Variants in BMS1 observed in about 807,000 individuals in gnomAD.
BMS1 encodes BMS1 ribosome biogenesis factor.
In BMS1, 53 loss-of-function variants were observed where a neutral mutation model predicts 138.7. The ratio of observed to expected loss-of-function variants is 0.38; its 90% CI spans 0.31 to 0.48. BMS1 has a LOEUF of 0.48. BMS1 is among the 20% of genes least tolerant of loss of function. BMS1 has a pLI of 0.97. For synonymous variants in BMS1, 504 were observed against 539.9 expected (o/e 0.93, Z 0.92); for missense variants, 1,360 against 1,565.5 (o/e 0.87, Z 2.22).
Position 42,825,312 on chromosome 10 carries a change from T to G in BMS1, c.3456+1528T>G, listed in dbSNP as rs183719837. Among the ~76,000 whole-genome samples, 384 of 152,320 alleles carry G rather than the reference T, an allele frequency of 2.5e-3. 4 individuals are homozygous for G. Among genetic ancestry groups the G allele is most frequent in the Non-Finnish European group, 4.6e-3 (313 of 68,042 alleles). The stretch of plus-strand genomic sequence containing the variant: ...ATGAGCCACTGCGCCTGGCCAGGAT[T>G]GTTTTATTCTGTTCTGTGAAGAATG... On this transcript the variant is annotated intron_variant, in intron 21 of 22. Transcript: ENST00000374518.
chr10:42,818,183 CA>C (rs1288480385), intron 15 of BMS1, among the ~76,000 whole-genome samples: 7 of 152,222 alleles, frequency 4.6e-5, no homozygotes, highest in African/African-American at 1.7e-4. Context: ...AACGGAGTTT[CA>C]TCCTAGGTCT....
At position 42,787,033 on chromosome 10, in the gene BMS1, A is replaced by C. The variant is rs891948819; in HGVS notation, c.368-135A>C. The C allele has an allele frequency of 1.0e-5, 7 of 698,712 alleles. No homozygotes were observed. The African/African-American group carries it at 1.2e-4, about 12-fold the overall frequency. The allele number at this position is 698,712 out of a possible 1,614,324, so 43.3% of individuals were successfully genotyped here. ...TATTTTATCAGTTTTTGCCTGTAAA[A>C]ATGAACTTCTTGTATGCTCCTGTAA... On this transcript the variant is annotated intron_variant, in intron 3 of 22. Transcript: ENST00000374518.
intron 6 of BMS1, 37 bp from the exon 7 acceptor site, chr10:42,792,456 G>A (rs201273284): frequency 1.1e-4 from 173 of 1,604,870 alleles, no homozygotes; most frequent in Admixed American, 2.5e-4. Flanking sequence ...GGAACTTTTG[G>A]CATTCATTTC....
chr10:42,806,792 G>C (rs968655744), intron 13 of BMS1, among the ~76,000 whole-genome samples: 1 of 151,222 alleles, frequency 6.6e-6, no homozygotes, highest in African/African-American at 2.4e-5. Context: ...AAAAGTTTGT[G>C]GTGTGTTTTT....
chr10:42,818,860 A>G (rs1172583034), intron 15 of BMS1, among the ~76,000 whole-genome samples: 1 of 152,134 alleles, frequency 6.6e-6, no homozygotes, highest in Non-Finnish European at 1.5e-5. Flanking sequence ...AGTGCCTAGG[A>G]GGGAGAAGCA....
intron 12 of BMS1, 139 bp downstream of exon 12, chr10:42,798,764 G>A: frequency 8.2e-7 from 1 of 1,220,966 alleles, no homozygotes; most frequent in South Asian, 1.5e-5. Flanking sequence ...AGATATTGTA[G>A]TGGGCGCTTC....
rs1191387003 is a variant in BMS1 at position 42,831,160 on chromosome 10, T to G, written c.*64T>G. 7.0e-7 allele frequency: 1 copy of G among 1,419,204 alleles called. No individual in the cohort carries two copies. Among genetic ancestry groups the G allele is most frequent in the Non-Finnish European group, 9.5e-7 (1 of 1,050,192 alleles). The allele number at this position is 1,419,204 out of a possible 1,614,324, so 87.9% of individuals were successfully genotyped here. On this transcript the variant is annotated 3_prime_UTR_variant, in exon 23 of 23. Coordinates refer to ENST00000374518, the MANE Select transcript of BMS1 (RefSeq NM_014753.4). The stretch of plus-strand genomic sequence containing the variant: ...GTAGACAGTTTCAAACATCACAGTT[T>G]GAATGCCTGTGAATGACAAGTCAGT...
chr10:42,792,661 G>A (rs769414765), intron 7 of BMS1, 47 bp downstream of exon 7: 7 of 1,569,644 alleles, frequency 4.5e-6, no homozygotes, highest in Non-Finnish European at 5.1e-6. Flanking sequence ...TAGGATTCTT[G>A]GGATGGCTTC....
chr10:42,787,334 C>T (rs542205059), intron 4 of BMS1, 87 bp downstream of exon 4: 53 of 1,004,788 alleles, frequency 5.3e-5, no homozygotes, highest in Non-Finnish European at 8.2e-5. Flanking sequence ...GGAAGAGAGT[C>T]TTATAATTAT....
chr10:42,822,798 T>C (rs1842538260), intron 19 of BMS1, among the ~76,000 whole-genome samples: 1 of 152,234 alleles, frequency 6.6e-6, no homozygotes, highest in Non-Finnish European at 1.5e-5. Context: ...GCATCTGGGC[T>C]GCAGTCCAGT....
chr10:42,814,824 G>A (rs12262877), intron 13 of BMS1, among the ~76,000 whole-genome samples: 16,766 of 152,200 alleles, frequency 0.11, 1,080 homozygotes, highest in African/African-American at 0.17. Context: ...GGGAGTGGTG[G>A]TTGTCTTGGT....
At chr10:42,821,579 G>A (rs71505644) in intron 18 of BMS1, among the ~76,000 whole-genome samples, 1 of 102,738 alleles carries the variant, frequency 9.7e-6, no homozygotes, top group Admixed American at 1.6e-4. Flanking sequence ...TTGAGACAGA[G>A]TCTCACTCTG....
intron 7 of BMS1, 56 bp from the exon 8 acceptor site, chr10:42,792,901 G>A: frequency 1.3e-6 from 2 of 1,554,352 alleles, no homozygotes; most frequent in African/African-American, 1.4e-5. Context: ...CTAGTCAATG[G>A]TAGATGCTTC....
In BMS1 at chr10:42,817,367, A is replaced by G. The variant is rs1842379050; in HGVS notation, c.2453A>G (p.Glu818Gly). The G allele has an allele frequency of 6.2e-7, 1 of 1,609,510 alleles. No individual in the cohort carries two copies. Among genetic ancestry groups the G allele is most frequent in the Non-Finnish European group, 8.5e-7 (1 of 1,179,164 alleles). Residue 818 changes from glutamate (E) to glycine (G), a missense_variant, in exon 15 of 23, where the codon GAA (glutamate) becomes GGA (glycine). Physicochemically the swap from Glu to Gly is moderately conservative, Grantham distance 98. Coordinates refer to ENST00000374518, the MANE Select transcript of BMS1 (RefSeq NM_014753.4). ...EVKEEIDPDE[E>G]ESAKKKHLDK... The stretch of plus-strand genomic sequence containing the variant: ...AAGGAAGAAATTGACCCCGACGAAG[A>G]AGAAAGTGCCAAGAAAAAGCATTTG...
chr10:42,819,303 C>G (rs553613750), intron 15 of BMS1, among the ~76,000 whole-genome samples: 2 of 152,342 alleles, frequency 1.3e-5, no homozygotes, highest in East Asian at 3.9e-4. Context: ...TTTCTGTGAT[C>G]ATCGAGATGC....
Position 42,832,625 on chromosome 10 carries a change from C to T in BMS1, c.*1529C>T, listed in dbSNP as rs1842821203. ...TGAGCAGTTGGCCTAGTCTGAGAGG[C>T]TCTCTAAAAGCCTAAAGTCTGTAGG... On this transcript the variant is annotated 3_prime_UTR_variant, in exon 23 of 23. Coordinates refer to ENST00000374518, the MANE Select transcript of BMS1 (RefSeq NM_014753.4). 2 of 152,046 alleles carry T rather than the reference C, an allele frequency of 1.3e-5. No homozygotes were observed. The highest frequency in any genetic ancestry group is 2.1e-4 in the South Asian group (1 of 4,820). 9.4% of individuals were successfully genotyped at this position (152,046 alleles called of 1,614,324 possible).
chr10:42,789,408 AT>A (rs11435193), intron 4 of BMS1, among the ~76,000 whole-genome samples: 3 of 151,850 alleles, frequency 2.0e-5, no homozygotes, highest in East Asian at 1.9e-4. Flanking sequence ...TTCTGTTTCC[AT>A]TTTTTTTGTT....
intron 6 of BMS1, 57 bp from the exon 7 acceptor site, chr10:42,792,436 A>G (rs1841533188): frequency 6.3e-7 from 1 of 1,591,018 alleles, no homozygotes; most frequent in African/African-American, 1.4e-5. Context: ...GACACATGAA[A>G]GGAGGTATAG....
rs760609164 is a variant in BMS1, at chr10:42,831,801, G to C, written c.*705G>C. Reference sequence around the variant, plus strand: ...GAAATCGTATGTATCAGTGAGATAGGCTTCCCGTATTATGCTCATGCGTTA... The same window carrying C: ...GAAATCGTATGTATCAGTGAGATAGCCTTCCCGTATTATGCTCATGCGTTA... On this transcript the variant is annotated 3_prime_UTR_variant, in exon 23 of 23. Coordinates refer to ENST00000374518, the MANE Select transcript of BMS1 (RefSeq NM_014753.4). The C allele has an allele frequency of 6.6e-6, 1 of 152,156 alleles. No individual in the cohort carries two copies. The highest frequency in any genetic ancestry group is 2.4e-5 in the African/African-American group (1 of 41,400). 9.4% of individuals were successfully genotyped at this position (152,156 alleles called of 1,614,324 possible).
Sources: allele counts gnomAD v4.1 joint callset (sites outside exome capture counted in the v4.1 genomes callset), GRCh38; gene constraint gnomAD v4.1.1; transcripts MANE v1.5; gene names NCBI Gene and HGNC (gene_info 2026-07-23, HGNC 2026-07-21).